Variants in ADIPOR2 observed in about 807,000 individuals in gnomAD.
ADIPOR2 encodes the protein adiponectin receptor 2.
In ADIPOR2, 18 loss-of-function variants were observed where a neutral mutation model predicts 40.9. That is an observed-to-expected ratio of 0.44 (90% CI 0.30 to 0.65). The LOEUF (loss-of-function observed/expected upper bound fraction) is 0.65, where lower values mean the gene tolerates loss of function less well. Ranked by LOEUF, ADIPOR2 falls within the 30% of genes least tolerant of loss-of-function variation. The pLI is 0.09. For synonymous variants in ADIPOR2, 165 were observed against 166.4 expected, an observed-to-expected ratio of 0.99 and a Z score of 0.06; for missense variants, 283 against 479.2, an observed-to-expected ratio of 0.59 and a Z score of 3.82.
At chr12:1,716,315 C>A (rs1383980308) in intron 1 of ADIPOR2, among the ~76,000 whole-genome samples, 1 of 152,136 alleles carries the variant, frequency 6.6e-6, no homozygotes, top group African/African-American at 2.4e-5. Flanking sequence ...CCTTTTATAT[C>A]ATCTTTTGGA....
At chr12:1,762,737 TA>T (rs1862296159) in intron 2 of ADIPOR2, among the ~76,000 whole-genome samples, 1 of 152,216 alleles carries the variant, frequency 6.6e-6, no homozygotes, top group African/African-American at 2.4e-5. Flanking sequence ...AGTAGCCTTT[TA>T]GAATAGATAT....
At chr12:1,707,749 A>C (rs1200841099) in intron 1 of ADIPOR2, among the ~76,000 whole-genome samples, 1 of 152,192 alleles carries the variant, frequency 6.6e-6, no homozygotes, top group East Asian at 1.9e-4. Flanking sequence ...CTGGGATTAT[A>C]GGTGTCAGCC....
chr12:1,750,531 G>A (rs772295995), intron 1 of ADIPOR2, among the ~76,000 whole-genome samples: 3 of 152,016 alleles, frequency 2.0e-5, no homozygotes, highest in Admixed American at 6.6e-5. Context: ...TTGCACCATT[G>A]CACTCCAGCC....
At chr12:1,734,692 A>G (rs943256018) in intron 1 of ADIPOR2, among the ~76,000 whole-genome samples, 4 of 152,172 alleles carry the variant, frequency 2.6e-5, no homozygotes, top group African/African-American at 9.7e-5. Flanking sequence ...CTATGTCCTG[A>G]ATGGTATTAC....
intron 1 of ADIPOR2, among the ~76,000 whole-genome samples, chr12:1,720,643 G>T (rs1286611805): frequency 6.6e-6 from 1 of 152,142 alleles, no homozygotes; most frequent in Non-Finnish European, 1.5e-5. Context: ...AGGAGGCGGA[G>T]CTCAGGTGGT....
At chr12:1,709,063 C>G (rs550374275) in intron 1 of ADIPOR2, among the ~76,000 whole-genome samples, 1 of 152,206 alleles carries the variant, frequency 6.6e-6, no homozygotes, top group African/African-American at 2.4e-5. Context: ...ATTACTGTAG[C>G]TTTATGGTAA....
chr12:1,738,402 T>A (rs1172286277), intron 1 of ADIPOR2, among the ~76,000 whole-genome samples: 1 of 152,008 alleles, frequency 6.6e-6, no homozygotes, highest in African/African-American at 2.4e-5. Flanking sequence ...TTTAGTAGTT[T>A]CTGTGTTTTG....
At chr12:1,701,025 A>AT (rs548921401) in intron 1 of ADIPOR2, among the ~76,000 whole-genome samples, 23 of 151,072 alleles carry the variant, frequency 1.5e-4, no homozygotes, top group African/African-American at 5.3e-4. Flanking sequence ...CATATTTCTC[A>AT]TTTTTTTGAG....
At chr12:1,757,197 G>T in intron 2 of ADIPOR2, 1 of 387,574 alleles carries the variant, frequency 2.6e-6, no homozygotes. Context: ...TTTTAATTAC[G>T]TACAAAGATC....
At chr12:1,721,791 A>G (rs754843098) in intron 1 of ADIPOR2, among the ~76,000 whole-genome samples, 2 of 152,174 alleles carry the variant, frequency 1.3e-5, no homozygotes, top group Non-Finnish European at 2.9e-5. Flanking sequence ...AGCCATGGCA[A>G]AGATTAGAGG....
chr12:1,735,764 C>A (rs988818489), intron 1 of ADIPOR2, among the ~76,000 whole-genome samples: 1 of 152,124 alleles, frequency 6.6e-6, no homozygotes, highest in Non-Finnish European at 1.5e-5. Flanking sequence ...TTTTGACATA[C>A]GTCCCATCAA....
chr12:1,692,086 C>CTTTTTT lies in ADIPOR2; in HGVS notation c.-87+903_-87+908dup, dbSNP rs5795977. 2.0e-5 allele frequency among the ~76,000 whole-genome samples: 3 copies of CTTTTTT among 146,366 alleles called. 1 individual carries two copies. Among genetic ancestry groups the CTTTTTT allele is most frequent in the South Asian group, 4.3e-4 (2 of 4,638 alleles). On this transcript the variant is annotated intron_variant, in intron 1 of 7. Coordinates refer to ENST00000357103, the MANE Select transcript of ADIPOR2 (RefSeq NM_024551.3). ...CCCCCATTTCTGTTCCAAAAGCAGACTTTTTTTTTTTTTATCACCCCTTCC... is the reference window on the plus strand; with the variant it reads ...CCCCCATTTCTGTTCCAAAAGCAGACTTTTTTTTTTTTTTTTTTTATCACCCCTTCC...
chr12:1,737,345 G>GT (rs35783387), intron 1 of ADIPOR2, among the ~76,000 whole-genome samples: 41,985 of 151,510 alleles, frequency 0.28, 6,390 homozygotes, highest in Admixed American at 0.44. Flanking sequence ...TTTTGTTGTT[G>GT]TTTTTTTTCT....
At chr12:1,695,292 C>T (rs2094636155) in intron 1 of ADIPOR2, among the ~76,000 whole-genome samples, 1 of 146,510 alleles carries the variant, frequency 6.8e-6, no homozygotes, top group Non-Finnish European at 1.5e-5. Flanking sequence ...GAGTTTGAGA[C>T]CAGTCTGGGC....
intron 1 of ADIPOR2, among the ~76,000 whole-genome samples, chr12:1,727,478 A>G (rs2094710192): frequency 6.6e-6 from 1 of 152,156 alleles, no homozygotes; most frequent in Non-Finnish European, 1.5e-5. Flanking sequence ...ATTATTATTT[A>G]AATATTCTTT....
chr12:1,694,834 G>GT (rs2094634749), intron 1 of ADIPOR2, among the ~76,000 whole-genome samples: 1 of 152,174 alleles, frequency 6.6e-6, no homozygotes, highest in East Asian at 1.9e-4. Flanking sequence ...AGCTTTAGAT[G>GT]TACAGAAATT....
intron 1 of ADIPOR2, among the ~76,000 whole-genome samples, chr12:1,706,751 A>T (rs560400681): frequency 6.6e-6 from 1 of 152,210 alleles, no homozygotes; most frequent in East Asian, 1.9e-4. Context: ...CGTGTCCCTC[A>T]CAGTCAGTGC....
chr12:1,739,418 A>G (rs2094737984), intron 1 of ADIPOR2, among the ~76,000 whole-genome samples: 1 of 152,190 alleles, frequency 6.6e-6, no homozygotes, highest in Admixed American at 6.5e-5. Context: ...GGGTTAGCAA[A>G]CTATAGCTAG....
chr12:1,777,369 A>T (rs11834426), intron 3 of ADIPOR2, among the ~76,000 whole-genome samples: 10,052 of 139,680 alleles, frequency 0.072, 941 homozygotes, highest in African/African-American at 0.21. Context: ...ACTTAAAAGT[A>T]TATTTTTTCT....
Sources: gnomAD v4.1 joint callset for allele counts (sites outside exome capture counted in the v4.1 genomes callset) on GRCh38, gnomAD v4.1.1 for gene constraint, MANE v1.5 for transcripts, NCBI Gene and HGNC (gene_info 2026-07-23, HGNC 2026-07-21) for gene names.